The following RUNX3 variants were observed in gnomAD, a reference collection of about 807,000 sequenced individuals.
The protein encoded by RUNX3 is runt-related transcription factor 3.
RUNX3 carries 10 observed loss-of-function variants against 27.7 expected under a neutral mutation model. The observed-to-expected ratio is 0.36, with a 90% CI of 0.22 to 0.61. RUNX3 has a LOEUF of 0.61. Among genes scored for constraint, RUNX3 ranks in the 20% least tolerant of loss-of-function variants. The pLI is 0.72. For synonymous variants in RUNX3, 270 were observed against 269.2 expected, an observed-to-expected ratio of 1.00 and a Z score of -0.03; for missense variants, 469 against 629.5, an observed-to-expected ratio of 0.75 and a Z score of 2.73.
intron 2 of RUNX3, among the ~76,000 whole-genome samples, chr1:24,954,297 G>A (rs964206538): frequency 6.6e-6 from 1 of 152,296 alleles, no homozygotes; most frequent in East Asian, 1.9e-4. Context: ...GACAGGGTGG[G>A]GACGTTGGTT....
At chr1:24,928,787 A>G (rs556741164) in intron 1 of RUNX3, 8 of 297,590 alleles carry the variant, frequency 2.7e-5, no homozygotes, top group Admixed American at 1.5e-4. Flanking sequence ...GAGTCGTCTT[A>G]ATGGGAGCAG....
At chr1:24,921,553 T>C (rs563091302) in intron 2 of RUNX3, among the ~76,000 whole-genome samples, 1 of 152,338 alleles carries the variant, frequency 6.6e-6, no homozygotes, top group East Asian at 1.9e-4. Context: ...CCACTTTGTA[T>C]GATTTCTGGA....
chr1:24,925,641 T>C (rs1426661949), intron 2 of RUNX3, among the ~76,000 whole-genome samples: 1 of 152,036 alleles, frequency 6.6e-6, no homozygotes, highest in Admixed American at 6.6e-5. Context: ...GAATGCAGGC[T>C]CTCAAAGACC....
At chr1:24,948,492 CCCT>C (rs1359988726) in intron 2 of RUNX3, among the ~76,000 whole-genome samples, 1 of 152,162 alleles carries the variant, frequency 6.6e-6, no homozygotes, top group Non-Finnish European at 1.5e-5. Flanking sequence ...TTACCAGAAA[CCCT>C]CAGATGGTGC....
At chr1:24,932,019 G>A (rs1641241147), upstream of RUNX3, among the ~76,000 whole-genome samples, 1 of 152,222 alleles carries the variant, frequency 6.6e-6, no homozygotes, top group South Asian at 2.1e-4. Flanking sequence ...GCAGCGCGTC[G>A]TGGCCAGGTA....
chr1:24,954,820 C>A (rs1641873545), intron 2 of RUNX3, among the ~76,000 whole-genome samples: 1 of 152,154 alleles, frequency 6.6e-6, no homozygotes, highest in Non-Finnish European at 1.5e-5. Context: ...CCCCTGTGGT[C>A]TCTGTTCACA....
chr1:24,945,908 G>A (rs201982616), intron 2 of RUNX3, among the ~76,000 whole-genome samples: 114 of 152,198 alleles, frequency 7.5e-4, no homozygotes, highest in East Asian at 5.6e-3. Flanking sequence ...GTCTGAATGC[G>A]TTGTAAGGAC....
chr1:24,933,727 G>C (rs114257010), upstream of RUNX3, among the ~76,000 whole-genome samples: 1 of 152,146 alleles, frequency 6.6e-6, no homozygotes, highest in Non-Finnish European at 1.5e-5. Flanking sequence ...GCCCCCAGCC[G>C]GCCGCCCTCC....
At chr1:24,907,445 G>A (rs750420195) in intron 3 of RUNX3, 28 bp from the exon 4 acceptor site, 14 of 1,596,010 alleles carry the variant, frequency 8.8e-6, no homozygotes, top group Middle Eastern at 3.4e-4. Context: ...CCCATCAGCC[G>A]TTGCTTCCCC....
At chr1:24,910,170 T>G (rs1036999339) in intron 3 of RUNX3, among the ~76,000 whole-genome samples, 1 of 151,236 alleles carries the variant, frequency 6.6e-6, no homozygotes, top group African/African-American at 2.4e-5. Context: ...GCGCCTATGA[T>G]CCCAACTACT....
At chr1:24,957,751 C>T (rs1557862861) in intron 2 of RUNX3, among the ~76,000 whole-genome samples, 1 of 152,236 alleles carries the variant, frequency 6.6e-6, no homozygotes, top group Non-Finnish European at 1.5e-5. Context: ...CCTCATTAAA[C>T]CTACCCAACA....
intron 4 of RUNX3, among the ~76,000 whole-genome samples, chr1:24,905,168 A>G (rs1448037632): frequency 1.3e-5 from 2 of 152,160 alleles, no homozygotes; most frequent in Non-Finnish European, 2.9e-5. Flanking sequence ...GGGGATCCCC[A>G]GGAGGGAGTC....
intron 2 of RUNX3, among the ~76,000 whole-genome samples, chr1:24,926,746 C>A (rs1459755566): frequency 6.6e-6 from 1 of 152,142 alleles, no homozygotes; most frequent in East Asian, 1.9e-4. Context: ...AAGCTAGAGG[C>A]GGGCCTGGTG....
chr1:24,919,018 G>A (rs904358583), intron 3 of RUNX3, among the ~76,000 whole-genome samples: 2 of 152,196 alleles, frequency 1.3e-5, no homozygotes, highest in African/African-American at 4.8e-5. Context: ...TAGTCTCCAT[G>A]GACAGTCATC....
rs147548213 is a variant in RUNX3, at chr1:24,956,758, G to A, written c.58+7756C>T. On this transcript the variant is annotated intron_variant, in intron 2 of 6. Transcript: ENST00000338888. ...GCTGGTCCTCAGCCCTGGTGCCCAG[G>A]CAAGTTGGGTTTGGGAATAGGGGCA... Among the ~76,000 whole-genome samples the A allele has an allele frequency of 1.2e-4, 19 of 152,332 alleles. No homozygotes were observed. In the East Asian group the frequency reaches 3.7e-3, roughly 29 times the overall value.
intron 2 of RUNX3, among the ~76,000 whole-genome samples, chr1:24,952,605 C>A (rs1256619792): frequency 6.6e-6 from 1 of 152,230 alleles, no homozygotes; most frequent in Non-Finnish European, 1.5e-5. Flanking sequence ...GTGAGGAACA[C>A]CCTCTCGCAG....
upstream of RUNX3, among the ~76,000 whole-genome samples, chr1:24,931,470 T>G (rs898823231): frequency 1.3e-5 from 2 of 152,074 alleles, no homozygotes; most frequent in African/African-American, 4.8e-5. Context: ...ACGGGAAAGA[T>G]CAAGCCACAA....
At chr1:24,934,497 G>A (rs561436255), upstream of RUNX3, among the ~76,000 whole-genome samples, 14 of 152,296 alleles carry the variant, frequency 9.2e-5, no homozygotes, top group African/African-American at 2.9e-4. Flanking sequence ...TGGTGTCCAC[G>A]CTCCCCTGAG....
chr1:24,952,325 C>T (rs1641786791), intron 2 of RUNX3, among the ~76,000 whole-genome samples: 1 of 152,188 alleles, frequency 6.6e-6, no homozygotes, highest in South Asian at 2.1e-4. Context: ...CCAGATGCAT[C>T]ATCTCACCCC....
Sources: gnomAD v4.1 joint callset for allele counts (sites outside exome capture counted in the v4.1 genomes callset) on GRCh38, gnomAD v4.1.1 for gene constraint, MANE v1.5 for transcripts, NCBI Gene and HGNC (gene_info 2026-07-23, HGNC 2026-07-21) for gene names.